The following DRC11 variants were observed in gnomAD, a reference collection of about 807,000 sequenced individuals.
DRC11 encodes dynein regulatory complex subunit 11.
chr2:236,459,589 GTATACGTATACATATA>G, the DRC11 span, among the ~76,000 whole-genome samples: 1 of 125,698 alleles, frequency 8.0e-6, no homozygotes, highest in African/African-American at 3.0e-5. Flanking sequence ...ACGTATATAC[GTATACGTATACATATA>G]TACGTATATA....
the DRC11 span, among the ~76,000 whole-genome samples, chr2:236,432,098 C>CT: frequency 5.9e-5 from 9 of 151,350 alleles, no homozygotes; most frequent in Non-Finnish European, 8.9e-5. Flanking sequence ...TTGTAATTGT[C>CT]TTTTTTTTTG....
the DRC11 span, among the ~76,000 whole-genome samples, chr2:236,494,332 T>A: frequency 6.6e-6 from 1 of 152,236 alleles, no homozygotes; most frequent in Non-Finnish European, 1.5e-5. The surrounding 1 kb of genome is among the most constrained non-coding windows in gnomAD (Gnocchi z 4.2). Flanking sequence ...TTCTAGTAAT[T>A]TGGTTTTATT....
chr2:236,476,868 C>T, the DRC11 span, among the ~76,000 whole-genome samples: 4 of 152,152 alleles, frequency 2.6e-5, no homozygotes, highest in Non-Finnish European at 5.9e-5. The surrounding 1 kb of genome is among the most constrained non-coding windows in gnomAD (Gnocchi z 4.7). Context: ...GCCCCACATG[C>T]ATTAGCTATT....
the DRC11 span, among the ~76,000 whole-genome samples, chr2:236,430,794 G>A: frequency 1.3e-5 from 2 of 152,148 alleles, no homozygotes; most frequent in African/African-American, 2.4e-5. This position sits in a 1 kb window ranked among gnomAD's most constrained non-coding sequence, Gnocchi z 6.0. Flanking sequence ...GTGTAGGAGT[G>A]GCCTGTTTCC....
chr2:236,372,076 C>G, the DRC11 span, among the ~76,000 whole-genome samples: 1 of 152,146 alleles, frequency 6.6e-6, no homozygotes, highest in Non-Finnish European at 1.5e-5. The surrounding 1 kb of genome is among the most constrained non-coding windows in gnomAD (Gnocchi z 4.5). Context: ...CCCGTTTGCC[C>G]TGAGAATACT....
chr2:236,425,136 A>G, the DRC11 span, among the ~76,000 whole-genome samples: 1 of 152,044 alleles, frequency 6.6e-6, no homozygotes, highest in African/African-American at 2.4e-5. Context: ...TAGTGCAGAC[A>G]TCTCTTTGAC....
At chr2:236,496,549 C>T in the DRC11 span, among the ~76,000 whole-genome samples, 453 of 152,138 alleles carry the variant, frequency 3.0e-3, 6 homozygotes, top group African/African-American at 0.011. The surrounding 1 kb of genome is among the most constrained non-coding windows in gnomAD (Gnocchi z 6.3). Flanking sequence ...CAGCAGGGGC[C>T]GAATGCTCGC....
At chr2:236,408,840 T>G in the DRC11 span, 1 of 656,136 alleles carries the variant, frequency 1.5e-6, no homozygotes, top group Admixed American at 2.2e-5. This position sits in a 1 kb window ranked among gnomAD's most constrained non-coding sequence, Gnocchi z 5.5. Flanking sequence ...TGGCAGTGTC[T>G]CCACAATAGT....
chr2:236,470,785 A>G, the DRC11 span, among the ~76,000 whole-genome samples: 8 of 152,124 alleles, frequency 5.3e-5, no homozygotes, highest in African/African-American at 1.7e-4. This position sits in a 1 kb window ranked among gnomAD's most constrained non-coding sequence, Gnocchi z 5.1. Flanking sequence ...GAGTAAAGTT[A>G]TGGTAAATCT....
the DRC11 span, among the ~76,000 whole-genome samples, chr2:236,322,563 A>T: frequency 2.6e-3 from 388 of 152,112 alleles, 1 homozygote; most frequent in Non-Finnish European, 3.6e-3. Context: ...TCTTTCTTGA[A>T]TTCTTACACT....
the DRC11 span, chr2:236,377,108 TA>T: frequency 6.3e-7 from 1 of 1,596,618 alleles, no homozygotes; most frequent in Non-Finnish European, 8.6e-7. The surrounding 1 kb of genome is among the most constrained non-coding windows in gnomAD (Gnocchi z 4.9). Context: ...CTCACCAATG[TA>T]ATCAGAGAGG....
At chr2:236,377,234 G>A in the DRC11 span, 29 of 1,194,236 alleles carry the variant, frequency 2.4e-5, no homozygotes, top group African/African-American at 3.0e-5. The surrounding 1 kb of genome is among the most constrained non-coding windows in gnomAD (Gnocchi z 4.9). Flanking sequence ...CACAGAAATC[G>A]GCGGTATTTC....
the DRC11 span, among the ~76,000 whole-genome samples, chr2:236,483,746 T>C: frequency 9.2e-5 from 14 of 152,388 alleles, 1 homozygote; most frequent in African/African-American, 3.1e-4. The surrounding 1 kb of genome is among the most constrained non-coding windows in gnomAD (Gnocchi z 4.8). Context: ...GAACTTGCCG[T>C]GTCATTTAGA....
At chr2:236,325,401 T>C in the DRC11 span, among the ~76,000 whole-genome samples, 1 of 152,232 alleles carries the variant, frequency 6.6e-6, no homozygotes, top group Admixed American at 6.5e-5. The surrounding 1 kb of genome is among the most constrained non-coding windows in gnomAD (Gnocchi z 4.4). Flanking sequence ...ATTTGAATTT[T>C]TGGTTATTAT....
At chr2:236,315,417 A>T in the DRC11 span, among the ~76,000 whole-genome samples, 4 of 152,252 alleles carry the variant, frequency 2.6e-5, no homozygotes, top group African/African-American at 9.6e-5. The surrounding 1 kb of genome is among the most constrained non-coding windows in gnomAD (Gnocchi z 5.1). Flanking sequence ...AATGTGAATC[A>T]GTTCAACCAT....
At chr2:236,399,458 T>G in the DRC11 span, 6 of 1,614,022 alleles carry the variant, frequency 3.7e-6, no homozygotes, top group Non-Finnish European at 5.1e-6. The surrounding 1 kb of genome is among the most constrained non-coding windows in gnomAD (Gnocchi z 7.0). Context: ...AGAAAAAGAC[T>G]TGGTGACATT....
At chr2:236,409,119 T>C in the DRC11 span, 5 of 392,934 alleles carry the variant, frequency 1.3e-5, no homozygotes, top group African/African-American at 2.1e-5. Flanking sequence ...TTTTTTTTCT[T>C]TTTTTGAGAC....
the DRC11 span, among the ~76,000 whole-genome samples, chr2:236,361,027 C>T: frequency 6.6e-6 from 1 of 152,114 alleles, no homozygotes; most frequent in African/African-American, 2.4e-5. This position sits in a 1 kb window ranked among gnomAD's most constrained non-coding sequence, Gnocchi z 5.7. Flanking sequence ...AAATGTGACA[C>T]ATGGTCAAGG....
the DRC11 span, among the ~76,000 whole-genome samples, chr2:236,491,123 G>GCA: frequency 1.7e-5 from 1 of 57,348 alleles, no homozygotes; most frequent in Non-Finnish European, 3.2e-5. Context: ...TATACAGTGT[G>GCA]TATATATATA....
Sources: gnomAD v4.1 joint callset for allele counts (sites outside exome capture counted in the v4.1 genomes callset) on GRCh38, gnomAD v4.1.1 for gene constraint, Gnocchi (gnomAD v3.1) non-coding constraint, MANE v1.5 for transcripts, NCBI Gene and HGNC (gene_info 2026-07-23, HGNC 2026-07-21) for gene names.